USP26: variants seen among roughly 807,000 people sequenced by gnomAD.
The protein encoded by USP26 is ubiquitin carboxyl-terminal hydrolase 26.
For synonymous variants in USP26, 236 were observed against 240.6 expected, an observed-to-expected ratio of 0.98 and a Z score of 0.18; for missense variants, 649 against 642.3, an observed-to-expected ratio of 1.01 and a Z score of -0.11.
chrX:133,065,930 A>G lies in USP26; in HGVS notation c.-77+17777T>C, dbSNP rs185451841. 2.6e-3 allele frequency among the ~76,000 whole-genome samples: 286 copies of G among 112,130 alleles called. 1 individual carries two copies. The highest frequency in any genetic ancestry group is 3.9e-3 in the Non-Finnish European group (210 of 53,310). On this transcript the variant is annotated intron_variant, in intron 5 of 5. Transcript: ENST00000511190. The stretch of plus-strand genomic sequence containing the variant: ...TATTCAAATAGGAAGAGAGGAAGTC[A>G]AATTGTCTCTGTTTGCAGATGACAT...
intron 5 of USP26, among the ~76,000 whole-genome samples, chrX:133,063,245 A>G (rs2067499525): frequency 9.0e-6 from 1 of 111,588 alleles, no homozygotes; most frequent in Admixed American, 9.6e-5. Context: ...GACCAAACCT[A>G]CGATTGATTG....
intron 5 of USP26, among the ~76,000 whole-genome samples, chrX:133,070,204 A>G (rs2067526209): frequency 8.9e-6 from 1 of 112,096 alleles, no homozygotes; most frequent in Admixed American, 9.5e-5. Flanking sequence ...GGGGATAGAG[A>G]AACATTGGAG....
Position 133,028,288 on chromosome X carries a change from C to T in USP26, c.-68G>A, listed in dbSNP as rs750425338. 44 of 1,134,628 alleles carry T rather than the reference C, an allele frequency of 3.9e-5. No homozygotes were observed. Among genetic ancestry groups the T allele is most frequent in the Admixed American group, 6.8e-5 (3 of 44,413 alleles). The allele number at this position is 1,134,628 out of a possible 1,213,427, so 93.5% of individuals were successfully genotyped here. On this transcript the variant is annotated 5_prime_UTR_variant, in exon 6 of 6. Transcript: ENST00000511190. Reference sequence around the variant, plus strand: ...AATCTTGAAGTTCCAATCTGTTTTGCAAGTTCAGCTGTGAAGACAACACCA... The same window carrying T: ...AATCTTGAAGTTCCAATCTGTTTTGTAAGTTCAGCTGTGAAGACAACACCA...
At position 133,023,867 on chromosome X, in the gene USP26, A is replaced by C. The variant is rs972045754; in HGVS notation, c.*1612T>G. Among the ~76,000 whole-genome samples, 2 of 111,805 alleles carry C rather than the reference A, an allele frequency of 1.8e-5. No individual in the cohort carries two copies. Among genetic ancestry groups the C allele is most frequent in the African/African-American group, 6.5e-5 (2 of 30,747 alleles). ...ATCAACAAGCTCTTGGATTAATACA[A>C]CTATACTGAAGCCATACCCCATATA... On this transcript the variant is annotated 3_prime_UTR_variant, in exon 6 of 6. Transcript: ENST00000511190.
intron 1 of USP26, among the ~76,000 whole-genome samples, chrX:133,094,989 G>A (rs1407071451): frequency 1.9e-5 from 2 of 108,004 alleles, no homozygotes; most frequent in African/African-American, 3.4e-5. Context: ...CAGCTACTTG[G>A]GAGGCTGAGG....
intron 1 of USP26, among the ~76,000 whole-genome samples, chrX:133,091,897 T>G (rs961876927): frequency 5.4e-5 from 6 of 111,937 alleles, no homozygotes; most frequent in Non-Finnish European, 1.1e-4. Flanking sequence ...GGTACTGGAC[T>G]TTTCCATCAC....
intron 5 of USP26, among the ~76,000 whole-genome samples, chrX:133,045,046 G>C (rs183525358): frequency 1.8e-5 from 2 of 111,959 alleles, no homozygotes; most frequent in Non-Finnish European, 3.8e-5. Context: ...CTAGCTCAAG[G>C]TTTGTAAATG....
chrX:133,044,470 A>G (rs1443088216), intron 5 of USP26, among the ~76,000 whole-genome samples: 3 of 113,276 alleles, frequency 2.6e-5, no homozygotes, highest in Non-Finnish European at 5.6e-5. Context: ...CTGCACTCAG[A>G]GTGGCTGGCC....
intron 5 of USP26, among the ~76,000 whole-genome samples, chrX:133,067,327 T>A (rs1312924945): frequency 3.6e-5 from 4 of 112,508 alleles, no homozygotes; most frequent in Non-Finnish European, 7.5e-5. Context: ...TGATTCCTCA[T>A]GGATCTAGAA....
chrX:133,056,790 G>T (rs1231490232), intron 5 of USP26, among the ~76,000 whole-genome samples: 1 of 111,746 alleles, frequency 8.9e-6, no homozygotes, highest in African/African-American at 3.3e-5. Context: ...TCTTCACCTT[G>T]AAAAATTTCG....
intron 5 of USP26, among the ~76,000 whole-genome samples, chrX:133,037,907 C>T (rs1297013533): frequency 9.1e-6 from 1 of 110,401 alleles, no homozygotes; most frequent in Non-Finnish European, 1.9e-5. Context: ...AGTTGTATTC[C>T]TAGGTATTTT....
At chrX:133,078,339 C>A (rs993316365) in intron 5 of USP26, among the ~76,000 whole-genome samples, 5 of 111,405 alleles carry the variant, frequency 4.5e-5, no homozygotes, top group African/African-American at 1.6e-4. Context: ...ACTAACACAG[C>A]CCCCAAATAT....
chrX:133,077,202 A>C (rs775574082), intron 5 of USP26, among the ~76,000 whole-genome samples: 21 of 112,191 alleles, frequency 1.9e-4, no homozygotes, highest in Admixed American at 8.5e-4. Context: ...TTAGAAGGAA[A>C]TCACACCTGA....
chrX:133,066,137 T>C (rs1460122931), intron 5 of USP26, among the ~76,000 whole-genome samples: 1 of 110,380 alleles, frequency 9.1e-6, no homozygotes, highest in African/African-American at 3.3e-5. Context: ...GCTACAAAGA[T>C]AATAAAACAC....
At chrX:133,037,315 A>G (rs543069102) in intron 5 of USP26, among the ~76,000 whole-genome samples, 31 of 112,425 alleles carry the variant, frequency 2.8e-4, no homozygotes, top group Admixed American at 7.5e-4. Context: ...TAGGTTTTAC[A>G]TTTAAGTCTT....
At chrX:133,076,914 G>A (rs1195629819) in intron 5 of USP26, among the ~76,000 whole-genome samples, 1 of 111,929 alleles carries the variant, frequency 8.9e-6, no homozygotes. Context: ...CAGAAACTTG[G>A]AAATAATAAA....
chrX:133,058,361 T>C (rs901015623), intron 5 of USP26, among the ~76,000 whole-genome samples: 10 of 111,407 alleles, frequency 9.0e-5, no homozygotes, highest in African/African-American at 3.3e-4. Context: ...CTTGATCTAT[T>C]AATTAAAGAG....
chrX:133,088,905 A>T (rs2067598250), intron 4 of USP26, among the ~76,000 whole-genome samples: 1 of 109,958 alleles, frequency 9.1e-6, no homozygotes, highest in Admixed American at 9.7e-5. Context: ...TGATGAAGGA[A>T]CTTGGTGGCA....
At chrX:133,045,485 C>A (rs1214811264) in intron 5 of USP26, among the ~76,000 whole-genome samples, 3 of 112,132 alleles carry the variant, frequency 2.7e-5, no homozygotes, top group Non-Finnish European at 5.6e-5. Context: ...TTCTTTCACT[C>A]TTTGCAATAA....
Sources: gnomAD v4.1 joint callset for allele counts (sites outside exome capture counted in the v4.1 genomes callset) on GRCh38, gnomAD v4.1.1 for gene constraint, MANE v1.5 for transcripts, NCBI Gene and HGNC (gene_info 2026-07-23, HGNC 2026-07-21) for gene names.